Variants in GLIS3 observed in about 807,000 individuals in gnomAD.
GLIS3 encodes the protein zinc finger protein GLIS3.
In GLIS3, 53 loss-of-function variants were observed where a neutral mutation model predicts 78.6. That is an observed-to-expected ratio of 0.67 (90% confidence interval 0.54 to 0.85). The LOEUF (loss-of-function observed/expected upper bound fraction) is 0.85. Ranked by LOEUF, GLIS3 falls within the 40% of genes least tolerant of loss-of-function variation. The pLI is 0.00. For synonymous variants in GLIS3, 684 were observed against 509.9 expected (o/e 1.34, Z -4.60); for missense variants, 1,703 against 1,231.1 (o/e 1.38, Z -5.74).
chr9:4,397,271 C>A, the GLIS3 span, among the ~76,000 whole-genome samples: 1 of 149,362 alleles, frequency 6.7e-6, no homozygotes, highest in South Asian at 2.1e-4. Flanking sequence ...GTGATCCGCC[C>A]GCCTCGGCCT....
At chr9:4,092,085 T>A (rs1171343293) in intron 4 of GLIS3, among the ~76,000 whole-genome samples, 1 of 152,122 alleles carries the variant, frequency 6.6e-6, no homozygotes, top group Non-Finnish European at 1.5e-5. Context: ...ACACTTAGGC[T>A]ACACTAAATC....
intron 2 of GLIS3, among the ~76,000 whole-genome samples, chr9:4,139,381 G>T (rs1400981180): frequency 6.6e-6 from 1 of 152,212 alleles, no homozygotes; most frequent in African/African-American, 2.4e-5. Context: ...GTCAAGTACA[G>T]TTCAAGGCCA....
chr9:4,454,338 A>T, the GLIS3 span, among the ~76,000 whole-genome samples: 178 of 152,282 alleles, frequency 1.2e-3, no homozygotes, highest in Middle Eastern at 0.01. Flanking sequence ...TGGGGTTGAG[A>T]CTTCCATTTT....
At chr9:4,463,419 C>T in the GLIS3 span, among the ~76,000 whole-genome samples, 11 of 152,294 alleles carry the variant, frequency 7.2e-5, no homozygotes, top group East Asian at 1.5e-3. Context: ...CATGCTCTCT[C>T]ACCCAACCCT....
chr9:4,370,275 C>G, the GLIS3 span, among the ~76,000 whole-genome samples: 1 of 152,064 alleles, frequency 6.6e-6, no homozygotes, highest in East Asian at 1.9e-4. Context: ...TGGGGCCCTC[C>G]CCTTCCATGT....
chr9:4,413,327 A>C, the GLIS3 span, among the ~76,000 whole-genome samples: 2 of 152,152 alleles, frequency 1.3e-5, no homozygotes, highest in African/African-American at 4.8e-5. Flanking sequence ...GTTTAATATG[A>C]CTGTAAGAAG....
chr9:4,478,000 G>A, the GLIS3 span, among the ~76,000 whole-genome samples: 4 of 152,244 alleles, frequency 2.6e-5, no homozygotes, highest in East Asian at 1.9e-4. Flanking sequence ...ATAGCAATGA[G>A]CCACGATTAC....
intron 2 of GLIS3, among the ~76,000 whole-genome samples, chr9:4,179,233 C>T (rs1414988369): frequency 6.6e-6 from 1 of 152,180 alleles, no homozygotes; most frequent in East Asian, 1.9e-4. Context: ...AATTTGAAAG[C>T]ACAGGGGCTA....
the GLIS3 span, among the ~76,000 whole-genome samples, chr9:4,427,231 A>G: frequency 6.6e-6 from 1 of 152,184 alleles, no homozygotes; most frequent in Non-Finnish European, 1.5e-5. Context: ...TCCTGATTGC[A>G]ATTCTGTGTC....
the GLIS3 span, among the ~76,000 whole-genome samples, chr9:4,415,190 CTG>C: frequency 6.6e-6 from 1 of 152,148 alleles, no homozygotes; most frequent in Non-Finnish European, 1.5e-5. Flanking sequence ...GATTAGGGAT[CTG>C]TGAGGATCTT....
At chr9:4,217,593 C>T (rs1820969597) in intron 2 of GLIS3, among the ~76,000 whole-genome samples, 1 of 152,148 alleles carries the variant, frequency 6.6e-6, no homozygotes, top group African/African-American at 2.4e-5. Flanking sequence ...CTCAGCTCCC[C>T]ACAGTTATTC....
chr9:3,837,915 G>T (rs1299040437), intron 9 of GLIS3, among the ~76,000 whole-genome samples: 1 of 150,934 alleles, frequency 6.6e-6, no homozygotes, highest in Admixed American at 6.7e-5. Flanking sequence ...TGAAACTGAT[G>T]TGTCATTGTA....
At chr9:4,179,419 T>C (rs1006922241) in intron 2 of GLIS3, among the ~76,000 whole-genome samples, 5 of 152,186 alleles carry the variant, frequency 3.3e-5, no homozygotes, top group African/African-American at 1.2e-4. Flanking sequence ...GATTCCCTTA[T>C]GTAGGTAGCT....
intron 2 of GLIS3, among the ~76,000 whole-genome samples, chr9:4,273,596 T>C (rs1316156785): frequency 3.6e-5 from 3 of 82,802 alleles, no homozygotes; most frequent in Non-Finnish European, 8.0e-5. Context: ...TTATCATAAA[T>C]AAATAAATAA....
chr9:4,330,198 AG>A (rs1817664240), intron 2 of GLIS3, among the ~76,000 whole-genome samples: 1 of 152,230 alleles, frequency 6.6e-6, no homozygotes, highest in Non-Finnish European at 1.5e-5. Context: ...GGATTTTGCC[AG>A]TAGAAGGAAA....
the GLIS3 span, among the ~76,000 whole-genome samples, chr9:4,405,188 C>A: frequency 3.3e-5 from 5 of 152,030 alleles, no homozygotes; most frequent in African/African-American, 1.2e-4. Context: ...AATCCCATCT[C>A]TACTAAAAAT....
rs537758891 is a variant in GLIS3, at chr9:4,064,974, G to C, written c.1710+52794C>G. On this transcript the variant is annotated intron_variant, in intron 4 of 10. Coordinates refer to ENST00000381971, the MANE Select transcript of GLIS3 (RefSeq NM_001042413.2). Reference sequence around the variant, plus strand: ...CACCACCATTCATCCTCCAGGGGCAGGGCAAACAGGCTTGAAAATTAAAGC... The same window carrying C: ...CACCACCATTCATCCTCCAGGGGCACGGCAAACAGGCTTGAAAATTAAAGC... 5.9e-5 allele frequency among the ~76,000 whole-genome samples: 9 copies of C among 152,260 alleles called. No individual in the cohort carries two copies. In the East Asian group the frequency reaches 1.5e-3, roughly 26 times the overall value.
At chr9:4,342,260 T>C (rs1006660337) in intron 2 of GLIS3, among the ~76,000 whole-genome samples, 1 of 152,236 alleles carries the variant, frequency 6.6e-6, no homozygotes, top group Non-Finnish European at 1.5e-5. Flanking sequence ...CTTGAGTTAA[T>C]TTTTGTGTAT....
intron 4 of GLIS3, among the ~76,000 whole-genome samples, chr9:4,308,576 C>A (rs76419389): frequency 6.6e-6 from 1 of 152,126 alleles, no homozygotes; most frequent in Non-Finnish European, 1.5e-5. Context: ...AGTGCCTCTT[C>A]CTTGCAGTGG....
Sources: gnomAD v4.1 joint callset for allele counts (sites outside exome capture counted in the v4.1 genomes callset) on GRCh38, gnomAD v4.1.1 for gene constraint, MANE v1.5 for transcripts, NCBI Gene and HGNC (gene_info 2026-07-23, HGNC 2026-07-21) for gene names.